The following CTCF variants were observed in gnomAD, a reference collection of about 807,000 sequenced individuals.
CTCF encodes transcriptional repressor CTCF.
A neutral mutation model predicts 72.3 loss-of-function variants in CTCF; 7 were observed. The observed-to-expected ratio is 0.10, with a 90% confidence interval of 0.06 to 0.18. The LOEUF (loss-of-function observed/expected upper bound fraction) is 0.18, where lower values mean the gene tolerates loss of function less well. Ranked by LOEUF, CTCF falls within the 10% of genes least tolerant of loss-of-function variation. The pLI is 1.00. For synonymous variants in CTCF, 374 were observed against 315.8 expected (o/e 1.18, Z -1.95); for missense variants, 516 against 949.1 (o/e 0.54, Z 6.00).
chr16:67,624,071 A>ATGTGTT (rs2052242891), intron 7 of CTCF, among the ~76,000 whole-genome samples: 1 of 117,614 alleles, frequency 8.5e-6, no homozygotes, highest in African/African-American at 3.4e-5. Context: ...AAAATTATAT[A>ATGTGTT]TGTGTGTGTG....
At chr16:67,604,848 G>GTGCC (rs1049871971) in intron 2 of CTCF, among the ~76,000 whole-genome samples, 1 of 147,102 alleles carries the variant, frequency 6.8e-6, no homozygotes, top group African/African-American at 2.5e-5. Flanking sequence ...CTATTGAACA[G>GTGCC]TGCCAGCCTA....
intron 2 of CTCF, among the ~76,000 whole-genome samples, chr16:67,595,075 G>C (rs1567601239): frequency 6.6e-6 from 1 of 152,130 alleles, no homozygotes. Context: ...GGAGAATTTG[G>C]ACCTGATTCA....
intron 2 of CTCF, among the ~76,000 whole-genome samples, chr16:67,598,742 C>T (rs1567602835): frequency 6.6e-6 from 1 of 152,222 alleles, no homozygotes; most frequent in African/African-American, 2.4e-5. Context: ...GGGATAAGGC[C>T]GTGTGGCCCA....
At chr16:67,608,734 T>A (rs529637467) in intron 2 of CTCF, among the ~76,000 whole-genome samples, 5 of 129,650 alleles carry the variant, frequency 3.9e-5, no homozygotes, top group Non-Finnish European at 7.5e-5. Context: ...GTGTATTTAG[T>A]GTTTTTTTTT....
At chr16:67,584,329 A>C (rs1405834832) in intron 2 of CTCF, among the ~76,000 whole-genome samples, 10 of 145,520 alleles carry the variant, frequency 6.9e-5, no homozygotes, top group Non-Finnish European at 1.5e-4. Flanking sequence ...TCAAAAAAAA[A>C]AAGTCTTCTT....
chr16:67,629,076 G>A (rs2052328644), intron 9 of CTCF, among the ~76,000 whole-genome samples: 1 of 151,886 alleles, frequency 6.6e-6, no homozygotes, highest in Admixed American at 6.6e-5. Context: ...AATTTCCTTA[G>A]GTGGATTGAA....
rs2052295204 is a variant in CTCF at position 67,626,894 on chromosome 16, G to A, written c.1518+179G>A. On this transcript the variant is annotated intron_variant, in intron 8 of 11. Coordinates refer to ENST00000264010, the MANE Select transcript of CTCF (RefSeq NM_006565.4). ...GTCAATTGTGTCATCCCGGTGTCCA[G>A]ATGATGTTTTATTCAGTCACAGCTT... is the stretch of plus-strand genomic sequence containing the variant. The A allele has an allele frequency of 9.6e-6, 4 of 415,990 alleles. No individual in the cohort carries two copies. The Admixed American group carries it at 1.3e-4, about 14-fold the overall frequency. The allele number at this position is 415,990 out of a possible 1,614,324, so 25.8% of individuals were successfully genotyped here. A position where few individuals can be genotyped will look rare whatever the true frequency, so the allele number is the denominator to read the frequency against.
chr16:67,622,789 G>A (rs946228581), intron 7 of CTCF, among the ~76,000 whole-genome samples: 5 of 149,452 alleles, frequency 3.3e-5, no homozygotes, highest in East Asian at 3.9e-4. Flanking sequence ...GATTATAGGC[G>A]CATACCACCA....
At chr16:67,624,129 ATATATG>A (rs1567614124) in intron 7 of CTCF, among the ~76,000 whole-genome samples, 1 of 131,820 alleles carries the variant, frequency 7.6e-6, no homozygotes, top group Non-Finnish European at 1.6e-5. Context: ...GTGTGTGTAT[ATATATG>A]TGTGTGTGTG....
chr16:67,571,715 G>A (rs1276083678), intron 2 of CTCF, among the ~76,000 whole-genome samples: 1 of 152,188 alleles, frequency 6.6e-6, no homozygotes, highest in Admixed American at 6.6e-5. Flanking sequence ...ATAAGAAACA[G>A]ATGGAATCCT....
chr16:67,572,193 C>G (rs547412025), intron 2 of CTCF, among the ~76,000 whole-genome samples: 1 of 152,264 alleles, frequency 6.6e-6, no homozygotes, highest in Admixed American at 6.5e-5. Context: ...TTCTGTTATT[C>G]TTCAAACCTT....
chr16:67,617,019 C>T, intron 5 of CTCF, 141 bp downstream of exon 5: 1 of 821,774 alleles, frequency 1.2e-6, no homozygotes, highest in Non-Finnish European at 2.0e-6. Context: ...CACAACACCG[C>T]TCCCCCAAAA....
chr16:67,636,811 A>G lies in CTCF; in HGVS notation c.1959A>G (p.Gly653=). The change falls in exon 11 of 12, where the codon GGA becomes GGG. Residue 653 remains glycine, a synonymous_variant. Coordinates refer to ENST00000264010, the MANE Select transcript of CTCF (RefSeq NM_006565.4). ...CACCACCCGCCAAGAAGCGGAGAGGACGACCCCCTGGCAGAACCAACCAGC... is the reference window on the plus strand; with the variant it reads ...CACCACCCGCCAAGAAGCGGAGAGGGCGACCCCCTGGCAGAACCAACCAGC... ...PAPPPAKKRR[G]RPPGRTNQPK... 3 of 1,598,764 alleles carry G rather than the reference A, an allele frequency of 1.9e-6. No individual in the cohort carries two copies. The highest frequency in any genetic ancestry group is 1.7e-6 in the Non-Finnish European group (2 of 1,172,284).
chr16:67,630,783 C>A (rs2052352429), intron 10 of CTCF, among the ~76,000 whole-genome samples: 1 of 152,048 alleles, frequency 6.6e-6, no homozygotes, highest in Admixed American at 6.6e-5. Flanking sequence ...CCAAGCCTCA[C>A]AAAGAGGGTG....
intron 2 of CTCF, among the ~76,000 whole-genome samples, chr16:67,575,114 T>G (rs1317118820): frequency 6.6e-6 from 1 of 152,166 alleles, no homozygotes; most frequent in East Asian, 1.9e-4. Flanking sequence ...TCACGCGTTG[T>G]GTTGCATGCC....
At position 67,621,189 on chromosome 16, in the gene CTCF, C is replaced by G. The variant is rs763923233; in HGVS notation, c.1208-253C>G. The G allele has an allele frequency of 7.1e-4, 285 of 403,466 alleles. 1 individual carries two copies. The highest frequency in any genetic ancestry group is 1.1e-3 in the Non-Finnish European group (246 of 224,156). 25.0% of individuals were successfully genotyped at this position (403,466 alleles called of 1,614,324 possible). On this transcript the variant is annotated intron_variant, in intron 6 of 11. Coordinates refer to ENST00000264010, the MANE Select transcript of CTCF (RefSeq NM_006565.4). ...ACTTGTGGGTTCTCCATTCAGTCTC[C>G]CCCAAAGGTAAGCATTGCTGTAATG...
At chr16:67,605,121 C>T (rs1331591997) in intron 2 of CTCF, among the ~76,000 whole-genome samples, 1 of 151,666 alleles carries the variant, frequency 6.6e-6, no homozygotes, top group South Asian at 2.1e-4. Flanking sequence ...TACAGGCACC[C>T]GCCACCACTC....
intron 7 of CTCF, among the ~76,000 whole-genome samples, chr16:67,622,422 A>G (rs1337749903): frequency 6.6e-6 from 1 of 152,170 alleles, no homozygotes; most frequent in South Asian, 2.1e-4. Context: ...TCTACTCCCA[A>G]TAATTAGCTC....
intron 11 of CTCF, 51 bp downstream of exon 11, chr16:67,636,902 G>T: frequency 7.0e-7 from 1 of 1,419,588 alleles, no homozygotes; most frequent in Non-Finnish European, 9.3e-7. Context: ...CGAGCATGTG[G>T]GGGAGCCAGA....
Sources: gnomAD v4.1 joint callset for allele counts (sites outside exome capture counted in the v4.1 genomes callset) on GRCh38, gnomAD v4.1.1 for gene constraint, MANE v1.5 for transcripts, NCBI Gene and HGNC (gene_info 2026-07-23, HGNC 2026-07-21) for gene names.